Variants in RBFOX1 observed in about 807,000 individuals in gnomAD.
The protein encoded by RBFOX1 is RNA binding protein fox-1 homolog 1.
RBFOX1 carries 8 observed loss-of-function variants against 57.7 expected under a neutral mutation model. The ratio of observed to expected loss-of-function variants is 0.14; its 90% CI spans 0.08 to 0.25. The LOEUF (loss-of-function observed/expected upper bound fraction) is 0.25, where lower values mean the gene tolerates loss of function less well. Ranked by LOEUF, RBFOX1 falls within the 10% of genes least tolerant of loss-of-function variation. RBFOX1 has a pLI of 1.00. For synonymous variants in RBFOX1, 326 were observed against 222.4 expected (o/e 1.47, Z -4.15); for missense variants, 611 against 548.5 (o/e 1.11, Z -1.14).
At position 6,606,676 on chromosome 16, in the gene RBFOX1, C is replaced by CA. The variant is rs371006889; in HGVS notation, c.-63-47921dup. Among the ~76,000 whole-genome samples the CA allele has an allele frequency of 5.9e-3, 893 of 152,072 alleles. 9 individuals are homozygous for CA. The highest frequency in any genetic ancestry group is 8.5e-3 in the Non-Finnish European group (576 of 67,968). On this transcript the variant is annotated intron_variant, in intron 2 of 15. Coordinates refer to ENST00000550418, the MANE Select transcript of RBFOX1 (RefSeq NM_018723.4). ...GCTTCCAGTTCCATCCATGTCCCTG[C>CA]AAAAAACATCTCATTCCTTTTTATG...
intron 3 of RBFOX1, among the ~76,000 whole-genome samples, chr16:6,656,926 T>C (rs1347426868): frequency 0.011 from 1,243 of 117,938 alleles, 100 homozygotes; most frequent in Admixed American, 0.034. Context: ...CCCTCTCCTC[T>C]CCTCCCCTCT....
chr16:7,517,003 C>G (rs1412236707), intron 4 of RBFOX1, among the ~76,000 whole-genome samples: 1 of 152,046 alleles, frequency 6.6e-6, no homozygotes, highest in Non-Finnish European at 1.5e-5. Flanking sequence ...TCTAATTGAC[C>G]ACAGACAATA....
At chr16:6,041,825 C>T (rs1030827823) in intron 1 of RBFOX1, among the ~76,000 whole-genome samples, 1 of 152,154 alleles carries the variant, frequency 6.6e-6, no homozygotes, top group Non-Finnish European at 1.5e-5. Flanking sequence ...GTGTAGTTTC[C>T]ATTGCTGCTG....
At chr16:7,125,911 C>T (rs2068404584) in intron 4 of RBFOX1, among the ~76,000 whole-genome samples, 1 of 152,094 alleles carries the variant, frequency 6.6e-6, no homozygotes, top group South Asian at 2.1e-4. Context: ...GGCAAAACTC[C>T]ATCTCTACTA....
At chr16:6,197,316 C>T (rs566695549) in intron 1 of RBFOX1, among the ~76,000 whole-genome samples, 91 of 152,018 alleles carry the variant, frequency 6.0e-4, no homozygotes, top group African/African-American at 2.1e-3. Context: ...TCATCCGTAT[C>T]TCCCACTGAC....
chr16:7,085,419 A>G (rs868015038), intron 4 of RBFOX1, among the ~76,000 whole-genome samples: 1 of 152,326 alleles, frequency 6.6e-6, no homozygotes, highest in Middle Eastern at 3.4e-3. Context: ...ATTGGCAAAT[A>G]AGTTATGTTT....
intron 3 of RBFOX1, among the ~76,000 whole-genome samples, chr16:6,790,010 TTTTG>T (rs2082635439): frequency 6.6e-6 from 1 of 151,494 alleles, no homozygotes; most frequent in Admixed American, 6.6e-5. Context: ...TCTTAAGCTT[TTTTG>T]TTTGTTTGAA....
intron 1 of RBFOX1, among the ~76,000 whole-genome samples, chr16:6,040,085 A>T (rs2095419807): frequency 6.6e-6 from 1 of 152,180 alleles, no homozygotes; most frequent in East Asian, 1.9e-4. Flanking sequence ...AGTGTGGTGT[A>T]TTTGTTACAA....
chr16:6,906,479 G>C (rs938604014), intron 3 of RBFOX1, among the ~76,000 whole-genome samples: 2 of 152,100 alleles, frequency 1.3e-5, no homozygotes, highest in African/African-American at 4.8e-5. Flanking sequence ...TTTGAAATAA[G>C]AGTGTATGCA....
intron 4 of RBFOX1, among the ~76,000 whole-genome samples, chr16:5,937,794 T>G (rs1001324665): frequency 2.7e-5 from 4 of 149,542 alleles, no homozygotes; most frequent in Non-Finnish European, 4.4e-5. Context: ...ATAAAATATA[T>G]ACCTATATAA....
intron 1 of RBFOX1, among the ~76,000 whole-genome samples, chr16:5,321,867 T>C (rs1376081001): frequency 3.9e-5 from 6 of 152,176 alleles, no homozygotes; most frequent in Admixed American, 3.9e-4. Flanking sequence ...AGGTGACCTC[T>C]GTAGCACAGA....
intron 1 of RBFOX1, among the ~76,000 whole-genome samples, chr16:5,298,458 TCCCCTCC>T (rs2063722618): frequency 2.2e-5 from 1 of 45,370 alleles, no homozygotes; most frequent in Non-Finnish European, 3.8e-5. Context: ...TCCCCTCCTT[TCCCCTCC>T]CTTCCCCTTC....
At chr16:6,214,555 G>A (rs1431515998) in intron 1 of RBFOX1, among the ~76,000 whole-genome samples, 3 of 124,848 alleles carry the variant, frequency 2.4e-5, no homozygotes, top group South Asian at 3.1e-4. Context: ...ACAGGGAGAG[G>A]GGGAGAGGGA....
rs78700362 is a variant in RBFOX1 at position 7,350,978 on chromosome 16, G to C, written c.28-167169G>C. 6.8e-3 allele frequency among the ~76,000 whole-genome samples: 1,029 copies of C among 152,310 alleles called. 75 individuals are homozygous for C. The East Asian group carries it at 0.14, about 20-fold the overall frequency. The stretch of plus-strand genomic sequence containing the variant: ...AGATCAGTCTTGAGTGCTTTATTAA[G>C]TCTGGCTCTATCAAAGCTGTAAGCA... On this transcript the variant is annotated intron_variant, in intron 4 of 15. Transcript: ENST00000550418.
At chr16:7,184,558 T>G (rs1014717588) in intron 4 of RBFOX1, among the ~76,000 whole-genome samples, 4 of 152,240 alleles carry the variant, frequency 2.6e-5, no homozygotes, top group African/African-American at 9.6e-5. Context: ...ACATATTGGC[T>G]GTGCCTTTGT....
intron 2 of RBFOX1, among the ~76,000 whole-genome samples, chr16:6,574,688 A>C (rs2097400313): frequency 1.1e-5 from 1 of 90,452 alleles, no homozygotes; most frequent in Non-Finnish European, 2.2e-5. Flanking sequence ...TCGGCCTCCC[A>C]AAGTGCTGGG....
intron 2 of RBFOX1, among the ~76,000 whole-genome samples, chr16:5,515,993 G>C (rs1202201565): frequency 1.3e-5 from 2 of 152,172 alleles, no homozygotes; most frequent in South Asian, 2.1e-4. Flanking sequence ...GAGCGTATTT[G>C]AGCCCAGGAG....
chr16:7,355,930 G>C (rs575956577), intron 4 of RBFOX1, among the ~76,000 whole-genome samples: 13 of 152,340 alleles, frequency 8.5e-5, no homozygotes, highest in African/African-American at 3.1e-4. Context: ...GGCAAAATGA[G>C]GTCAAGGCCA....
intron 3 of RBFOX1, among the ~76,000 whole-genome samples, chr16:6,785,063 C>T (rs182788110): frequency 1.3e-5 from 2 of 152,170 alleles, no homozygotes; most frequent in South Asian, 2.1e-4. Context: ...AAAGAGATTA[C>T]TCTTAGGAAA....
Sources: gnomAD v4.1 joint callset for allele counts (sites outside exome capture counted in the v4.1 genomes callset) on GRCh38, gnomAD v4.1.1 for gene constraint, MANE v1.5 for transcripts, NCBI Gene and HGNC (gene_info 2026-07-23, HGNC 2026-07-21) for gene names.